Variants in PPP2R2B observed in about 807,000 individuals in gnomAD.
PPP2R2B encodes protein phosphatase 2 regulatory subunit Bbeta.
In PPP2R2B, 5 loss-of-function variants were observed where a neutral mutation model predicts 46.0. The ratio of observed to expected loss-of-function variants is 0.11; its 90% CI spans 0.06 to 0.23. The LOEUF is 0.23. Among genes scored for constraint, PPP2R2B ranks in the 10% least tolerant of loss-of-function variants. The probability of loss-of-function intolerance (pLI) is 1.00; values close to 1 mark genes in which losing one functional copy is unlikely to be tolerated. For synonymous variants in PPP2R2B, 215 were observed against 206.7 expected (o/e 1.04, Z -0.34); for missense variants, 367 against 575.0 (o/e 0.64, Z 3.70).
In PPP2R2B at chr5:146,588,948, G is replaced by A. The variant is rs909198429; in HGVS notation, c.*999C>T. On this transcript the variant is annotated 3_prime_UTR_variant, in exon 10 of 10. Coordinates refer to ENST00000394411, the MANE Select transcript of PPP2R2B (RefSeq NM_181675.4). The stretch of plus-strand genomic sequence containing the variant: ...AAAACCAGGAGGAGGGGAGGGTGCT[G>A]CTTAGGAGAAACACCCAAAAAGAAC... 2 of 152,220 alleles carry A rather than the reference G, an allele frequency of 1.3e-5. No individual in the cohort carries two copies. The highest frequency in any genetic ancestry group is 2.9e-5 in the Non-Finnish European group (2 of 68,068). The allele number at this position is 152,220 out of a possible 1,614,324, so 9.4% of individuals were successfully genotyped here. A position where few individuals can be genotyped will look rare whatever the true frequency, so the allele number is the denominator to read the frequency against.
At chr5:146,599,175 A>C (rs759263403) in intron 8 of PPP2R2B, among the ~76,000 whole-genome samples, 13 of 152,036 alleles carry the variant, frequency 8.6e-5, no homozygotes, top group Non-Finnish European at 1.6e-4. Flanking sequence ...TTCCTCTTTC[A>C]ACAAAACCAC....
chr5:146,878,051 G>C lies in PPP2R2B; in HGVS notation c.21C>G (p.Thr7=). The C allele has an allele frequency of 1.2e-6, 2 of 1,614,140 alleles. No individual in the cohort carries two copies. The highest frequency in any genetic ancestry group is 2.2e-5 in the South Asian group (2 of 91,078). ...GCAGGAAACTGTTGTTGATTTTGCGGGTATCAATGTCCTCCTCCATTGACA... is the reference window on the plus strand; with the variant it reads ...GCAGGAAACTGTTGTTGATTTTGCGCGTATCAATGTCCTCCTCCATTGACA... MEEDID[T]RKINNSFLRD... is the part of the protein sequence containing the mutation. Residue 7 remains threonine, a synonymous_variant, in exon 2 of 10, where the codon ACC becomes ACG. Coordinates refer to ENST00000394411, the MANE Select transcript of PPP2R2B (RefSeq NM_181675.4). This position sits in a 1 kb window ranked among gnomAD's most constrained non-coding sequence, Gnocchi z 4.5.
chr5:146,697,073 C>G (rs1235653125), intron 4 of PPP2R2B, among the ~76,000 whole-genome samples: 1 of 152,106 alleles, frequency 6.6e-6, no homozygotes, highest in Non-Finnish European at 1.5e-5. Context: ...ATTTCCCTTT[C>G]TTTTTAAATC....
At chr5:146,789,463 G>GC in intron 2 of PPP2R2B, among the ~76,000 whole-genome samples, 1 of 152,084 alleles carries the variant, frequency 6.6e-6, no homozygotes, top group South Asian at 2.1e-4. Context: ...AATCTCTGGA[G>GC]CAGTCTCAGG....
intron 2 of PPP2R2B, among the ~76,000 whole-genome samples, chr5:147,075,473 C>T (rs1400204480): frequency 6.6e-6 from 1 of 152,104 alleles, no homozygotes; most frequent in Non-Finnish European, 1.5e-5. Flanking sequence ...GAGGCCTCCT[C>T]AGGTTCTATC....
intron 2 of PPP2R2B, among the ~76,000 whole-genome samples, chr5:146,776,946 A>T (rs1329732841): frequency 6.6e-6 from 1 of 152,130 alleles, no homozygotes; most frequent in South Asian, 2.1e-4. Context: ...CCACACTAAG[A>T]TACTACTTCA....
At chr5:146,758,601 G>A (rs777890886) in intron 2 of PPP2R2B, among the ~76,000 whole-genome samples, 32 of 152,136 alleles carry the variant, frequency 2.1e-4, no homozygotes, top group Non-Finnish European at 2.1e-4. Flanking sequence ...TCCATGAGAC[G>A]CCACAAACTT....
At chr5:146,691,093 T>TG in intron 5 of PPP2R2B, 35 bp downstream of exon 5, 1 of 1,589,378 alleles carries the variant, frequency 6.3e-7, no homozygotes, top group Non-Finnish European at 8.6e-7. Flanking sequence ...GACCTGCCCC[T>TG]GACTGTGGTG....
chr5:146,951,388 G>T (rs183016326), intron 1 of PPP2R2B, among the ~76,000 whole-genome samples: 1 of 151,666 alleles, frequency 6.6e-6, no homozygotes, highest in Non-Finnish European at 1.5e-5. Context: ...ATATGTGCAG[G>T]ATGTGCAGGT....
At chr5:146,699,344 A>G (rs925866190) in intron 3 of PPP2R2B, among the ~76,000 whole-genome samples, 1 of 152,128 alleles carries the variant, frequency 6.6e-6, no homozygotes. Flanking sequence ...ATGATGTCAC[A>G]TGGGTTTGTT....
At chr5:146,729,320 A>G (rs1752085316) in intron 2 of PPP2R2B, among the ~76,000 whole-genome samples, 1 of 152,238 alleles carries the variant, frequency 6.6e-6, no homozygotes, top group Admixed American at 6.5e-5. Flanking sequence ...AAAGCATTCA[A>G]GAGGTGATGT....
At chr5:147,037,430 G>A (rs1756094495) in intron 1 of PPP2R2B, among the ~76,000 whole-genome samples, 1 of 151,650 alleles carries the variant, frequency 6.6e-6, no homozygotes, top group Non-Finnish European at 1.5e-5. Flanking sequence ...GTACATATAT[G>A]TATATGTATA....
At chr5:146,630,963 A>G (rs1201495098) in intron 7 of PPP2R2B, among the ~76,000 whole-genome samples, 1 of 152,244 alleles carries the variant, frequency 6.6e-6, no homozygotes, top group Non-Finnish European at 1.5e-5. Context: ...CAATTAGGCC[A>G]TGGATACAAG....
chr5:146,618,357 C>T (rs749528553), intron 7 of PPP2R2B, among the ~76,000 whole-genome samples: 23 of 152,202 alleles, frequency 1.5e-4, no homozygotes, highest in Non-Finnish European at 3.1e-4. Context: ...CTAGAGCCTC[C>T]AGAAAGGAGC....
At chr5:147,039,975 C>T (rs1756219136) in intron 1 of PPP2R2B, among the ~76,000 whole-genome samples, 1 of 152,168 alleles carries the variant, frequency 6.6e-6, no homozygotes, top group African/African-American at 2.4e-5. Context: ...TATTGAGTCC[C>T]TTCTAAGCCC....
intron 1 of PPP2R2B, among the ~76,000 whole-genome samples, chr5:146,951,067 T>C (rs1045513601): frequency 2.0e-5 from 3 of 152,130 alleles, no homozygotes; most frequent in East Asian, 3.9e-4. Flanking sequence ...GGCCCTTCTA[T>C]CTAAGACCTC....
chr5:146,831,792 G>A (rs1167887840), intron 2 of PPP2R2B, among the ~76,000 whole-genome samples: 3 of 152,140 alleles, frequency 2.0e-5, no homozygotes, highest in Non-Finnish European at 4.4e-5. Flanking sequence ...GTGAGACTTC[G>A]TCTTTGACAA....
intron 5 of PPP2R2B, among the ~76,000 whole-genome samples, chr5:146,657,170 A>G (rs1776385705): frequency 6.6e-6 from 1 of 152,156 alleles, no homozygotes. Flanking sequence ...TTTAAAAAAC[A>G]TATGTGAAAA....
chr5:146,623,445 TAA>T (rs1773835538), intron 7 of PPP2R2B, among the ~76,000 whole-genome samples: 3 of 152,258 alleles, frequency 2.0e-5, no homozygotes, highest in Admixed American at 6.5e-5. Context: ...AGTAATTGCA[TAA>T]GTCTGTCTAT....
Sources: gnomAD v4.1 joint callset for allele counts (sites outside exome capture counted in the v4.1 genomes callset) on GRCh38, gnomAD v4.1.1 for gene constraint, Gnocchi (gnomAD v3.1) non-coding constraint, MANE v1.5 for transcripts, NCBI Gene and HGNC (gene_info 2026-07-23, HGNC 2026-07-21) for gene names.